The following CADM1 variants were observed in gnomAD, a reference collection of about 807,000 sequenced individuals.
The protein encoded by CADM1 is TSLC-1.
In CADM1, 15 loss-of-function variants were observed where a neutral mutation model predicts 53.1. That is an observed-to-expected ratio of 0.28 (90% CI 0.19 to 0.44). The LOEUF (loss-of-function observed/expected upper bound fraction) is 0.44. Among genes scored for constraint, CADM1 ranks in the 20% least tolerant of loss-of-function variants. The pLI, the probability that CADM1 is intolerant of heterozygous loss-of-function variation, is 1.00. For synonymous variants in CADM1, 281 were observed against 243.0 expected (o/e 1.16, Z -1.45); for missense variants, 434 against 611.3 (o/e 0.71, Z 3.06).
intron 1 of CADM1, among the ~76,000 whole-genome samples, chr11:115,258,488 C>T (rs1266077421): frequency 6.6e-6 from 1 of 152,180 alleles, no homozygotes; most frequent in Non-Finnish European, 1.5e-5. Flanking sequence ...GAGGGAACTC[C>T]GAGATGCACT....
chr11:115,379,534 T>C (rs1411985873), intron 1 of CADM1, among the ~76,000 whole-genome samples: 2 of 152,168 alleles, frequency 1.3e-5, no homozygotes, highest in African/African-American at 4.8e-5. Context: ...ATAAAGAAGC[T>C]CACAATATTC....
At chr11:115,359,186 G>T (rs985919860) in intron 1 of CADM1, among the ~76,000 whole-genome samples, 2 of 152,160 alleles carry the variant, frequency 1.3e-5, no homozygotes, top group African/African-American at 4.8e-5. Flanking sequence ...TTGTTATGAA[G>T]ACTGACAGTT....
intron 1 of CADM1, among the ~76,000 whole-genome samples, chr11:115,472,795 G>C (rs1427273840): frequency 6.6e-6 from 1 of 151,988 alleles, no homozygotes; most frequent in African/African-American, 2.4e-5. Flanking sequence ...ATGATATACA[G>C]CTACCTTGGA....
At chr11:115,435,530 C>T (rs1444889832) in intron 1 of CADM1, among the ~76,000 whole-genome samples, 1 of 151,962 alleles carries the variant, frequency 6.6e-6, no homozygotes, top group Non-Finnish European at 1.5e-5. Context: ...GTCAGGAGTT[C>T]GAGACCAGCC....
At chr11:115,380,304 T>C (rs1946543348) in intron 1 of CADM1, among the ~76,000 whole-genome samples, 1 of 152,202 alleles carries the variant, frequency 6.6e-6, no homozygotes, top group African/African-American at 2.4e-5. Flanking sequence ...CTCTGATTTT[T>C]GAACTCAAGC....
At chr11:115,487,481 T>G (rs1949401437) in intron 1 of CADM1, among the ~76,000 whole-genome samples, 1 of 152,104 alleles carries the variant, frequency 6.6e-6, no homozygotes, top group Non-Finnish European at 1.5e-5. Flanking sequence ...ACTCACCTTA[T>G]GAAACAAGGA....
intron 1 of CADM1, among the ~76,000 whole-genome samples, chr11:115,349,178 C>T (rs563982145): frequency 3.2e-4 from 48 of 152,178 alleles, no homozygotes; most frequent in African/African-American, 1.1e-3. Context: ...AAAATTCAGC[C>T]GCATCCCAGT....
intron 1 of CADM1, among the ~76,000 whole-genome samples, chr11:115,400,657 GTGTGTATA>G (rs1485730514): frequency 2.3e-4 from 19 of 82,276 alleles, no homozygotes; most frequent in African/African-American, 1.2e-3. Flanking sequence ...GTGTGTGTGT[GTGTGTATA>G]TATATATATA....
intron 1 of CADM1, among the ~76,000 whole-genome samples, chr11:115,335,780 T>G (rs897415551): frequency 1.3e-5 from 2 of 152,106 alleles, no homozygotes; most frequent in Non-Finnish European, 2.9e-5. Context: ...ATCAAAAAAG[T>G]CACATTCATT....
chr11:115,385,182 CAA>C (rs34684645), intron 1 of CADM1, among the ~76,000 whole-genome samples: 1 of 90,918 alleles, frequency 1.1e-5, no homozygotes, highest in Non-Finnish European at 2.3e-5. Context: ...ATGTGCTTTC[CAA>C]AAAAAAAAAA....
chr11:115,477,868 G>A (rs1287557130), intron 1 of CADM1, among the ~76,000 whole-genome samples: 1 of 152,180 alleles, frequency 6.6e-6, no homozygotes, highest in African/African-American at 2.4e-5. Flanking sequence ...GCAGAATCTA[G>A]AAAATTGCAT....
At chr11:115,217,862 C>G in intron 6 of CADM1, 30 bp downstream of exon 6, 1 of 1,417,670 alleles carries the variant, frequency 7.1e-7, no homozygotes, top group Non-Finnish European at 1.0e-6. Context: ...TGCGCATGAC[C>G]CTCTGCCAAC....
intron 1 of CADM1, among the ~76,000 whole-genome samples, chr11:115,249,887 G>C (rs1005320484): frequency 4.6e-5 from 7 of 152,112 alleles, no homozygotes; most frequent in African/African-American, 1.7e-4. Context: ...AGAGATGTAG[G>C]CTGTTCACAA....
At chr11:115,189,977 T>C (rs914944078) in intron 10 of CADM1, among the ~76,000 whole-genome samples, 2 of 152,218 alleles carry the variant, frequency 1.3e-5, no homozygotes, top group Admixed American at 1.3e-4. Context: ...GTCAGACTTA[T>C]AGTTAAGGAC....
At chr11:115,350,710 G>T (rs1177335932) in intron 1 of CADM1, among the ~76,000 whole-genome samples, 2 of 151,546 alleles carry the variant, frequency 1.3e-5, no homozygotes, top group Admixed American at 6.6e-5. Context: ...TGCCTTAAAA[G>T]AACTTAGCGC....
intron 2 of CADM1, among the ~76,000 whole-genome samples, chr11:115,239,726 TC>T (rs1332113935): frequency 5.9e-5 from 9 of 151,826 alleles, no homozygotes; most frequent in Non-Finnish European, 1.3e-4. Context: ...TTTTTTTTTT[TC>T]AAAAGATTTG....
At chr11:115,350,048 T>A (rs1325337677) in intron 1 of CADM1, among the ~76,000 whole-genome samples, 1 of 152,232 alleles carries the variant, frequency 6.6e-6, no homozygotes, top group Non-Finnish European at 1.5e-5. Context: ...CTTGGCTCAC[T>A]GCAACCTCCG....
At chr11:115,292,253 T>C (rs1360052875) in intron 1 of CADM1, among the ~76,000 whole-genome samples, 1 of 152,236 alleles carries the variant, frequency 6.6e-6, no homozygotes, top group Non-Finnish European at 1.5e-5. Context: ...ATGTTTACAT[T>C]AAAACTAAAA....
intron 1 of CADM1, among the ~76,000 whole-genome samples, chr11:115,406,950 TAA>T (rs200226896): frequency 6.6e-5 from 9 of 135,686 alleles, no homozygotes; most frequent in Admixed American, 1.5e-4. Flanking sequence ...AACTCTGTCT[TAA>T]AAAAAAAAAA....
Sources: allele counts gnomAD v4.1 joint callset (sites outside exome capture counted in the v4.1 genomes callset), GRCh38; gene constraint gnomAD v4.1.1; transcripts MANE v1.5; gene names NCBI Gene and HGNC (gene_info 2026-07-23, HGNC 2026-07-21).